Variants in LINGO2 observed in about 807,000 individuals in gnomAD.
LINGO2 encodes the protein leucine rich repeat and Ig domain containing 2.
In LINGO2, 14 loss-of-function variants were observed where a neutral mutation model predicts 30.6. The ratio of observed to expected loss-of-function variants is 0.46; its 90% CI spans 0.30 to 0.72. LINGO2 has a LOEUF of 0.72. Among genes scored for constraint, LINGO2 ranks in the 30% least tolerant of loss-of-function variants. LINGO2 has a pLI of 0.07. For missense variants in LINGO2, 729 were observed against 751.7 expected (o/e 0.97, Z 0.35); for synonymous variants, 317 against 288.5 (o/e 1.10, Z -1.00).
At chr9:28,385,187 C>T (rs1363799743) in intron 2 of LINGO2, among the ~76,000 whole-genome samples, 3 of 152,226 alleles carry the variant, frequency 2.0e-5, no homozygotes, top group African/African-American at 7.2e-5. Flanking sequence ...TTAAAAGAAG[C>T]ATTACCTTCC....
At chr9:29,164,878 C>T in the LINGO2 span, among the ~76,000 whole-genome samples, 69 of 152,058 alleles carry the variant, frequency 4.5e-4, 4 homozygotes, top group Non-Finnish European at 4.4e-5. Flanking sequence ...ATTCACTGAT[C>T]TATTAACTAT....
chr9:28,841,050 T>C, the LINGO2 span, among the ~76,000 whole-genome samples: 1 of 151,914 alleles, frequency 6.6e-6, no homozygotes, highest in African/African-American at 2.4e-5. Flanking sequence ...GGATATTCTA[T>C]AAAAATCTTT....
At chr9:29,197,549 T>C in the LINGO2 span, among the ~76,000 whole-genome samples, 23 of 152,168 alleles carry the variant, frequency 1.5e-4, no homozygotes, top group East Asian at 4.4e-3. Flanking sequence ...TGGTTCCTTA[T>C]TTGAGGTGTG....
chr9:28,272,883 A>T (rs1377077640), intron 4 of LINGO2, among the ~76,000 whole-genome samples: 1 of 152,112 alleles, frequency 6.6e-6, no homozygotes. Flanking sequence ...AGGTACCCCC[A>T]TCTTCTCCTC....
At chr9:29,075,030 T>G in the LINGO2 span, among the ~76,000 whole-genome samples, 1 of 152,242 alleles carries the variant, frequency 6.6e-6, no homozygotes, top group East Asian at 1.9e-4. Flanking sequence ...ACACATAATT[T>G]TATGTGCTTT....
intron 2 of LINGO2, among the ~76,000 whole-genome samples, chr9:28,455,078 G>T (rs2135091547): frequency 6.6e-6 from 1 of 151,848 alleles, no homozygotes; most frequent in South Asian, 2.1e-4. Flanking sequence ...TTTCTCTATT[G>T]CTTTCCATTT....
chr9:28,228,326 G>C (rs538065328), intron 4 of LINGO2, among the ~76,000 whole-genome samples: 3 of 152,046 alleles, frequency 2.0e-5, no homozygotes, highest in African/African-American at 7.2e-5. Context: ...ATTTTACCCA[G>C]CTAACTTTCT....
chr9:28,619,086 C>A (rs1826274423), intron 1 of LINGO2, among the ~76,000 whole-genome samples: 1 of 152,068 alleles, frequency 6.6e-6, no homozygotes, highest in Non-Finnish European at 1.5e-5. Context: ...AATAATATCT[C>A]TCCTAAGTGT....
At chr9:28,757,903 G>A in the LINGO2 span, among the ~76,000 whole-genome samples, 9 of 152,104 alleles carry the variant, frequency 5.9e-5, no homozygotes, top group South Asian at 4.1e-4. Flanking sequence ...GGCATCTAGT[G>A]TACTTTTTGC....
chr9:28,553,935 G>C (rs1411600503), intron 1 of LINGO2, among the ~76,000 whole-genome samples: 2 of 151,976 alleles, frequency 1.3e-5, no homozygotes, highest in African/African-American at 4.8e-5. Flanking sequence ...ATACTTTACA[G>C]ACAAGCAAAT....
chr9:27,981,534 C>CAA lies in LINGO2; in HGVS notation c.-36+30819_-36+30820dup, dbSNP rs763284293. On this transcript the variant is annotated intron_variant, in intron 5 of 5. Transcript: ENST00000379992. ...ATGAAAGGATAAATGACGAGGATGG[C>CAA]AAAAAAAAAAAAAAAAGAAAAAAAA... Among the ~76,000 whole-genome samples, 268 of 39,758 alleles carry CAA rather than the reference C, an allele frequency of 6.7e-3. 4 individuals carry two copies. Among genetic ancestry groups the CAA allele is most frequent in the African/African-American group, 0.011 (132 of 11,794 alleles). The allele number at this position is 39,758 out of a possible 152,430, so 26.1% of individuals were successfully genotyped here. A position where few individuals can be genotyped will look rare whatever the true frequency, so the allele number is the denominator to read the frequency against.
downstream of LINGO2, among the ~76,000 whole-genome samples, chr9:27,945,747 C>T (rs1410994737): frequency 6.6e-6 from 1 of 152,068 alleles, no homozygotes; most frequent in African/African-American, 2.4e-5. Context: ...AAACTGAGTA[C>T]TAAAGCACCA....
At chr9:28,061,087 T>C (rs1393782113) in intron 4 of LINGO2, among the ~76,000 whole-genome samples, 1 of 151,722 alleles carries the variant, frequency 6.6e-6, no homozygotes, top group Non-Finnish European at 1.5e-5. Context: ...CTCATAATTA[T>C]TTGTTATGGT....
At chr9:28,152,912 A>C (rs1241469414) in intron 4 of LINGO2, among the ~76,000 whole-genome samples, 1 of 152,194 alleles carries the variant, frequency 6.6e-6, no homozygotes, top group Non-Finnish European at 1.5e-5. Flanking sequence ...AAACAACATA[A>C]ACTGATGGGC....
chr9:28,158,428 G>A (rs1447348717), intron 4 of LINGO2, among the ~76,000 whole-genome samples: 1 of 152,168 alleles, frequency 6.6e-6, no homozygotes, highest in East Asian at 1.9e-4. Flanking sequence ...GTTACTAAAG[G>A]AAGGTCAGAG....
chr9:28,854,564 G>A, the LINGO2 span, among the ~76,000 whole-genome samples: 1 of 151,862 alleles, frequency 6.6e-6, no homozygotes, highest in Non-Finnish European at 1.5e-5. Context: ...TAATGGAAAT[G>A]GGTAGGTAGT....
chr9:29,117,193 C>T, the LINGO2 span, among the ~76,000 whole-genome samples: 1 of 152,170 alleles, frequency 6.6e-6, no homozygotes, highest in South Asian at 2.1e-4. Flanking sequence ...AGGTTGTGCT[C>T]TCAGGTAAAA....
At chr9:28,107,361 C>T (rs1826626484) in intron 4 of LINGO2, among the ~76,000 whole-genome samples, 1 of 151,994 alleles carries the variant, frequency 6.6e-6, no homozygotes, top group Non-Finnish European at 1.5e-5. Flanking sequence ...GTCCATTTTT[C>T]TTTGGTATTG....
chr9:28,998,316 CA>C, the LINGO2 span, among the ~76,000 whole-genome samples: 24 of 152,044 alleles, frequency 1.6e-4, no homozygotes, highest in Non-Finnish European at 2.9e-4. Context: ...ATAAGACGGG[CA>C]AAATGTGAAA....
Sources: allele counts gnomAD v4.1 joint callset (sites outside exome capture counted in the v4.1 genomes callset), GRCh38; gene constraint gnomAD v4.1.1; transcripts MANE v1.5; gene names NCBI Gene and HGNC (gene_info 2026-07-23, HGNC 2026-07-21).